The following BMP2K variants were observed in gnomAD, a reference collection of about 807,000 sequenced individuals.
BMP2K encodes BMP2 inducible kinase.
BMP2K carries 74 observed loss-of-function variants against 116.0 expected under a neutral mutation model. That is an observed-to-expected ratio of 0.64 (90% CI 0.53 to 0.77). BMP2K has a LOEUF of 0.77. Among genes scored for constraint, BMP2K ranks in the 30% least tolerant of loss-of-function variants. The pLI is 0.00. For missense variants in BMP2K, 1,365 were observed against 1,403.6 expected (o/e 0.97, Z 0.44); for synonymous variants, 486 against 502.5 (o/e 0.97, Z 0.44).
At chr4:78,776,969 G>T (rs1727280650) in intron 1 of BMP2K, among the ~76,000 whole-genome samples, 2 of 152,228 alleles carry the variant, frequency 1.3e-5, no homozygotes, top group South Asian at 4.1e-4. Context: ...GCTTTTTGAC[G>T]CGAGAAAATA....
At chr4:78,844,673 G>C (rs1213671232) in intron 4 of BMP2K, among the ~76,000 whole-genome samples, 2 of 151,542 alleles carry the variant, frequency 1.3e-5, no homozygotes, top group Non-Finnish European at 3.0e-5. Context: ...AGTAGACATA[G>C]TATATTTTTG....
intron 7 of BMP2K, among the ~76,000 whole-genome samples, chr4:78,851,321 C>A (rs573566088): frequency 3.9e-5 from 6 of 152,022 alleles, no homozygotes; most frequent in Admixed American, 6.6e-5. Flanking sequence ...GGCTAGTCTT[C>A]GAGAGGCCCT....
At chr4:78,844,645 G>A (rs1730911666) in intron 4 of BMP2K, among the ~76,000 whole-genome samples, 1 of 151,530 alleles carries the variant, frequency 6.6e-6, no homozygotes, top group African/African-American at 2.4e-5. Flanking sequence ...GCATTTCTCT[G>A]TTCTTAGTAA....
chr4:78,865,282 A>C (rs1731986518), intron 9 of BMP2K, among the ~76,000 whole-genome samples: 1 of 152,164 alleles, frequency 6.6e-6, no homozygotes, highest in Non-Finnish European at 1.5e-5. Context: ...TCATCTCCTT[A>C]AGAGCAGTTT....
chr4:78,909,058 T>C (rs1397949932), intron 15 of BMP2K, among the ~76,000 whole-genome samples: 1 of 143,326 alleles, frequency 7.0e-6, no homozygotes, highest in East Asian at 2.0e-4. Context: ...CCTTAGTCTT[T>C]TTTTTTTTTT....
At chr4:78,848,546 A>G (rs1012062788) in intron 6 of BMP2K, among the ~76,000 whole-genome samples, 26 of 151,570 alleles carry the variant, frequency 1.7e-4, no homozygotes, top group African/African-American at 6.3e-4. Context: ...AACAATAGGC[A>G]TCATACTTTT....
intron 1 of BMP2K, among the ~76,000 whole-genome samples, chr4:78,801,344 CTGTG>C (rs112302359): frequency 0.13 from 18,588 of 143,102 alleles, 1,300 homozygotes; most frequent in African/African-American, 0.17. Flanking sequence ...GTTGAAGTAG[CTGTG>C]TGTGTGTGTG....
intron 14 of BMP2K, among the ~76,000 whole-genome samples, chr4:78,881,883 A>C (rs1577955163): frequency 6.6e-6 from 1 of 152,098 alleles, no homozygotes; most frequent in East Asian, 1.9e-4. Context: ...CTGTTGATTC[A>C]GTTGAAATGC....
At chr4:78,897,048 A>G (rs897048983) in intron 15 of BMP2K, among the ~76,000 whole-genome samples, 1 of 152,124 alleles carries the variant, frequency 6.6e-6, no homozygotes, top group Non-Finnish European at 1.5e-5. Flanking sequence ...GGAAATGTAC[A>G]ATGGAGCTGG....
chr4:78,911,564 A>G lies in BMP2K; in HGVS notation c.3017A>G (p.Lys1006Arg). The change falls in exon 16 of 16, where the codon AAG becomes AGG. Residue 1006 changes from lysine to arginine, a missense_variant. Transcript: ENST00000502613. ...CATGGCACGCCAACTAGCACAAAGA[A>G]GACTTTGAAGCCTACCTATCGCACT... is the stretch of plus-strand genomic sequence containing the variant. The part of the protein sequence containing the change: ...RHHGTPTSTK[K>R]TLKPTYRTPE... The G allele has an allele frequency of 6.8e-6, 11 of 1,614,068 alleles. No individual in the cohort carries two copies. The highest frequency in any genetic ancestry group is 8.5e-6 in the Non-Finnish European group (10 of 1,179,906).
intron 15 of BMP2K, among the ~76,000 whole-genome samples, chr4:78,902,937 T>G (rs1448138820): frequency 6.6e-6 from 1 of 152,114 alleles, no homozygotes; most frequent in Non-Finnish European, 1.5e-5. Context: ...ATCTCATTCT[T>G]TTTATGAAGT....
intron 14 of BMP2K, among the ~76,000 whole-genome samples, chr4:78,883,831 G>A (rs1309474731): frequency 1.3e-5 from 2 of 152,148 alleles, no homozygotes; most frequent in Non-Finnish European, 2.9e-5. Context: ...GGAGGTTGAG[G>A]TGGGAGGATT....
intron 1 of BMP2K, among the ~76,000 whole-genome samples, chr4:78,809,759 C>T (rs889451294): frequency 3.3e-5 from 5 of 151,382 alleles, no homozygotes; most frequent in Non-Finnish European, 5.9e-5. Context: ...ATTTTCATAC[C>T]TTACTTTAGT....
intron 1 of BMP2K, among the ~76,000 whole-genome samples, chr4:78,785,814 G>A (rs1578464330): frequency 6.6e-6 from 1 of 152,078 alleles, no homozygotes; most frequent in Non-Finnish European, 1.5e-5. Flanking sequence ...AATTATATTA[G>A]CATTTGGACT....
At chr4:78,859,512 C>T in intron 7 of BMP2K, 72 bp from the exon 8 acceptor site, 1 of 925,652 alleles carries the variant, frequency 1.1e-6, no homozygotes, top group Non-Finnish European at 1.6e-6. Flanking sequence ...ATTTTTTATC[C>T]TTATAATGTG....
At chr4:78,897,278 C>T (rs750946928) in intron 15 of BMP2K, among the ~76,000 whole-genome samples, 1 of 151,556 alleles carries the variant, frequency 6.6e-6, no homozygotes, top group Non-Finnish European at 1.5e-5. Context: ...TAAAAATGTT[C>T]AGTACAACAT....
intron 15 of BMP2K, among the ~76,000 whole-genome samples, chr4:78,894,133 A>G (rs1195171369): frequency 7.9e-5 from 12 of 152,234 alleles, no homozygotes; most frequent in Admixed American, 7.9e-4. Flanking sequence ...TAGAACACAA[A>G]CAGAGTAGTT....
intron 15 of BMP2K, among the ~76,000 whole-genome samples, chr4:78,896,633 A>G (rs1163593173): frequency 6.6e-6 from 1 of 152,188 alleles, no homozygotes; most frequent in Non-Finnish European, 1.5e-5. Flanking sequence ...GTGAGATCTC[A>G]ACTATGAGAC....
chr4:78,900,122 C>T (rs1371780465), intron 15 of BMP2K, among the ~76,000 whole-genome samples: 3 of 152,196 alleles, frequency 2.0e-5, no homozygotes, highest in Non-Finnish European at 4.4e-5. Flanking sequence ...CTTTGCTCCT[C>T]AGCCTACTCA....
Sources: gnomAD v4.1 joint callset for allele counts (sites outside exome capture counted in the v4.1 genomes callset) on GRCh38, gnomAD v4.1.1 for gene constraint, MANE v1.5 for transcripts, NCBI Gene and HGNC (gene_info 2026-07-23, HGNC 2026-07-21) for gene names.